CAPN8: variants seen among roughly 807,000 people sequenced by gnomAD.
CAPN8 encodes calpain 8, also known as calpain-8.
In CAPN8, 87 loss-of-function variants were observed where a neutral mutation model predicts 80.9. The observed-to-expected ratio is 1.07, with a 90% CI of 0.90 to 1.28. The LOEUF (loss-of-function observed/expected upper bound fraction) is 1.28, where lower values mean the gene tolerates loss of function less well. Ranked by LOEUF, CAPN8 falls within the 50% of genes most tolerant of loss-of-function variation. The pLI, the probability that CAPN8 is intolerant of heterozygous loss-of-function variation, is 0.00. For synonymous variants in CAPN8, 299 were observed against 273.8 expected, an observed-to-expected ratio of 1.09 and a Z score of -0.91; for missense variants, 757 against 702.0, an observed-to-expected ratio of 1.08 and a Z score of -0.89.
intron 9 of CAPN8, chr1:223,618,154 T>C: frequency 7.1e-7 from 1 of 1,415,960 alleles, no homozygotes; most frequent in East Asian, 2.5e-5. Context: ...GCAGGGAACA[T>C]GGGGAGCAGG....
intron 14 of CAPN8, among the ~76,000 whole-genome samples, chr1:223,552,086 C>T (rs573619127): frequency 1.3e-5 from 2 of 152,322 alleles, no homozygotes; most frequent in African/African-American, 4.8e-5. Flanking sequence ...GGGTCCCAGT[C>T]TCAACTCAGC....
In CAPN8 at chr1:223,616,005, G is replaced by T. The variant is rs1458247780; in HGVS notation, c.1276C>A (p.Gln426Lys). The T allele has an allele frequency of 9.7e-6, 15 of 1,552,304 alleles. No individual in the cohort carries two copies. The East Asian group carries it at 3.2e-4, about 33-fold the overall frequency. ...GCATAGCCGATGCTAAGCATGCCTT[G>T]TCCTATCCGCTTCCGCCACCTGCGA... ...KNRRWRKRIG[Q>K]GMLSIGYAVY... is the part of the protein sequence containing the mutation. The change falls in exon 10 of 21, where the codon CAA becomes AAA. Residue 426 changes from glutamine (Q) to lysine (K), a missense_variant. Physicochemically the swap from Gln to Lys is moderately conservative, Grantham distance 53. Transcript: ENST00000366872.
At chr1:223,552,414 A>C (rs1442723808) in intron 14 of CAPN8, among the ~76,000 whole-genome samples, 1 of 152,004 alleles carries the variant, frequency 6.6e-6, no homozygotes. Flanking sequence ...AAATGCAAAA[A>C]TTATCCAGGC....
chr1:223,544,213 T>C (rs1298397280), intron 18 of CAPN8, 30 bp from the exon 19 acceptor site: 1 of 716,094 alleles, frequency 1.4e-6, no homozygotes, highest in Non-Finnish European at 2.6e-6. Flanking sequence ...GGGTCACAGG[T>C]AGAGTGGAGG....
intron 10 of CAPN8, among the ~76,000 whole-genome samples, chr1:223,613,190 T>A (rs536930872): frequency 3.9e-5 from 6 of 152,346 alleles, no homozygotes; most frequent in Middle Eastern, 3.4e-3. Context: ...CAACTGCCTA[T>A]AACTCTGAAA....
intron 6 of CAPN8, 81 bp from the exon 7 acceptor site, chr1:223,622,981 T>G: frequency 8.7e-7 from 1 of 1,145,074 alleles, no homozygotes; most frequent in Non-Finnish European, 1.3e-6. Flanking sequence ...TGACAGGATC[T>G]GCATTAAATT....
rs372578155 is a variant in CAPN8, at chr1:223,627,210, C to T, written c.561-53G>A. 5.5e-5 allele frequency: 85 copies of T among 1,534,754 alleles called. 1 individual carries two copies. Among genetic ancestry groups the T allele is most frequent in the African/African-American group, 2.9e-4 (21 of 72,570 alleles). ...CATTAGCACCCTCAGCAAGGAGACCCGGGGATTGGGGACCGGGACAGTGCT... is the reference window on the plus strand; with the variant it reads ...CATTAGCACCCTCAGCAAGGAGACCTGGGGATTGGGGACCGGGACAGTGCT... On this transcript the variant is annotated intron_variant, in intron 4 of 20. Coordinates refer to ENST00000366872, the MANE Select transcript of CAPN8 (RefSeq NM_001143962.2).
At chr1:223,646,741 G>C (rs1224434612) in intron 2 of CAPN8, among the ~76,000 whole-genome samples, 3 of 152,222 alleles carry the variant, frequency 2.0e-5, no homozygotes, top group African/African-American at 7.2e-5. Flanking sequence ...GCCAGTCTGT[G>C]ATAGAGAAAT....
chr1:223,660,004 G>T (rs981878127), intron 1 of CAPN8, among the ~76,000 whole-genome samples: 29 of 152,234 alleles, frequency 1.9e-4, no homozygotes, highest in Middle Eastern at 3.4e-3. Flanking sequence ...CAACCAGCAC[G>T]CAATAAATCA....
intron 1 of CAPN8, among the ~76,000 whole-genome samples, chr1:223,655,177 G>T (rs908611032): frequency 2.6e-5 from 4 of 152,292 alleles, no homozygotes; most frequent in African/African-American, 9.6e-5. Flanking sequence ...GCAAAATGCT[G>T]TGCACCCTGT....
chr1:223,627,253 G>A, intron 4 of CAPN8, 96 bp from the exon 5 acceptor site: 1 of 1,310,752 alleles, frequency 7.6e-7, no homozygotes, highest in Non-Finnish European at 1.0e-6. Flanking sequence ...ACTGTGGCCT[G>A]GAAGATAAAG....
intron 9 of CAPN8, among the ~76,000 whole-genome samples, chr1:223,618,730 G>T (rs542295225): frequency 6.6e-4 from 101 of 152,332 alleles, no homozygotes; most frequent in Admixed American, 1.4e-3. Flanking sequence ...GGGCAGGGCA[G>T]GTGGGTGAAG....
Position 223,659,217 on chromosome 1 carries a change from TG to T in CAPN8, c.238-4819del, listed in dbSNP as rs572937203. On this transcript the variant is annotated intron_variant, in intron 1 of 20. Transcript: ENST00000366872. The stretch of plus-strand genomic sequence containing the variant: ...CCCACACTGTCTCAGTGATGATGGC[TG>T]TTTGGCCACACTGCTCTCCTAGAGC... Among the ~76,000 whole-genome samples, 6 of 152,338 alleles carry T rather than the reference TG, an allele frequency of 3.9e-5. No homozygotes were observed. The South Asian group carries it at 1.2e-3, about 32-fold the overall frequency.
chr1:223,654,372 C>T lies in CAPN8; in HGVS notation c.265G>A (p.Val89Ile), dbSNP rs753723333. The T allele has an allele frequency of 6.3e-5, 97 of 1,551,518 alleles. No homozygotes were observed. Among genetic ancestry groups the T allele is most frequent in the Admixed American group, 7.8e-5 (4 of 50,966 alleles). Residue 89 changes from valine (V) to isoleucine (I), a missense_variant, in exon 2 of 21, where the codon GTT becomes ATT. Coordinates refer to ENST00000366872, the MANE Select transcript of CAPN8 (RefSeq NM_001143962.2). ...ATGTCTGTGCGCGTGGCTCCACCAA[C>T]GATAAACTGAGGGCTGGGACACAAC... ...TELCPSPQFI[V>I]GGATRTDICQ...
intron 16 of CAPN8, 44 bp downstream of exon 16, chr1:223,549,269 AACCGG>A: frequency 6.5e-7 from 1 of 1,531,744 alleles, no homozygotes; most frequent in Non-Finnish European, 8.8e-7. Context: ...AGTCTTTAAA[AACCGG>A]ACGAAAGTAA....
intron 13 of CAPN8, among the ~76,000 whole-genome samples, chr1:223,555,756 T>C (rs1259052169): frequency 6.6e-6 from 1 of 152,200 alleles, no homozygotes; most frequent in African/African-American, 2.4e-5. Flanking sequence ...CACTGGGAGT[T>C]ATCATTGGAC....
At chr1:223,624,180 G>T (rs927899100) in intron 6 of CAPN8, among the ~76,000 whole-genome samples, 2 of 152,114 alleles carry the variant, frequency 1.3e-5, no homozygotes, top group Non-Finnish European at 2.9e-5. Flanking sequence ...GGGCTCAAGC[G>T]ATCCTCCCAC....
At chr1:223,548,997 G>C (rs1203727694) in intron 16 of CAPN8, among the ~76,000 whole-genome samples, 1 of 152,066 alleles carries the variant, frequency 6.6e-6, no homozygotes, top group African/African-American at 2.4e-5. Context: ...GAGATGAACA[G>C]AGTGTGGAGG....
intron 2 of CAPN8, among the ~76,000 whole-genome samples, chr1:223,648,358 A>T (rs982959516): frequency 2.0e-5 from 3 of 152,202 alleles, no homozygotes; most frequent in African/African-American, 2.4e-5. Context: ...TCCATAATCA[A>T]TGAGTAGATT....
Sources: allele counts gnomAD v4.1 joint callset (sites outside exome capture counted in the v4.1 genomes callset), GRCh38; gene constraint gnomAD v4.1.1; transcripts MANE v1.5; gene names NCBI Gene and HGNC (gene_info 2026-07-23, HGNC 2026-07-21).